The following COL1A2 variants were observed in gnomAD, a reference collection of about 807,000 sequenced individuals.
COL1A2 encodes the protein collagen alpha-2(I) chain.
In COL1A2, 49 loss-of-function variants were observed where a neutral mutation model predicts 174.3. That is an observed-to-expected ratio of 0.28 (90% CI 0.22 to 0.36). The LOEUF (loss-of-function observed/expected upper bound fraction) is 0.36, where lower values mean the gene tolerates loss of function less well. Among genes scored for constraint, COL1A2 ranks in the 10% least tolerant of loss-of-function variants. The probability of loss-of-function intolerance (pLI) is 1.00; values close to 1 mark genes in which losing one functional copy is unlikely to be tolerated. For synonymous variants in COL1A2, 655 were observed against 606.6 expected, an observed-to-expected ratio of 1.08 and a Z score of -1.17; for missense variants, 1,438 against 1,822.7, an observed-to-expected ratio of 0.79 and a Z score of 3.84.
At chr7:94,396,965 C>G (rs1484679091) in intron 1 of COL1A2, among the ~76,000 whole-genome samples, 1 of 152,094 alleles carries the variant, frequency 6.6e-6, no homozygotes, top group Non-Finnish European at 1.5e-5. Context: ...GGACTTATAA[C>G]AATTATGGCA....
At chr7:94,406,361 T>G in intron 12 of COL1A2, 58 bp downstream of exon 12, 1 of 1,506,202 alleles carries the variant, frequency 6.6e-7, no homozygotes, top group Non-Finnish European at 9.2e-7. Flanking sequence ...CCCCATGACC[T>G]CCAAAAAAGT....
Position 94,416,473 on chromosome 7 carries a change from T to A in COL1A2, c.1833T>A (p.Pro611=), listed in dbSNP as rs1476104208. The change falls in exon 31 of 52, where the codon CCT becomes CCA. Residue 611 remains proline (P), a synonymous_variant. Transcript: ENST00000297268. Reference sequence around the variant, plus strand: ...CTGGTCCTATTGGAAGCCGAGGTCCTTCTGGACCCCCAGGGCCTGATGGAA... The same window carrying A: ...CTGGTCCTATTGGAAGCCGAGGTCCATCTGGACCCCCAGGGCCTGATGGAA... ...GPTGPIGSRG[P]SGPPGPDGNK... is the part of the protein sequence containing the mutation. 1 of 1,582,012 alleles carries A rather than the reference T, an allele frequency of 6.3e-7. No homozygotes were observed. Among genetic ancestry groups the A allele is most frequent in the Admixed American group, 1.8e-5 (1 of 55,856 alleles).
rs369695645 is a variant in COL1A2, at chr7:94,400,213, A to G, written c.150A>G (p.Pro50=). ...CATAACAGGGTCCACCAGGCCCCCC[A>G]GGCAGAGATGGTGAAGATGGTCCCA... ...PRGERGPPGP[P]GRDGEDGPTG... Residue 50 remains proline (P), a synonymous_variant, in exon 5 of 52, where the codon CCA becomes CCG. Coordinates refer to ENST00000297268, the MANE Select transcript of COL1A2 (RefSeq NM_000089.4). 1.2e-6 allele frequency: 2 copies of G among 1,612,844 alleles called. No individual in the cohort carries two copies.
At position 94,430,666 on chromosome 7, in the gene COL1A2, A is replaced by G. The variant is rs978280804; in HGVS notation, c.*273A>G. ...AAATGTCAACCTTTGTAAGAAAACC[A>G]AAATAAAAATTGAAAAATAAAAACC... On this transcript the variant is annotated 3_prime_UTR_variant, in exon 52 of 52. Coordinates refer to ENST00000297268, the MANE Select transcript of COL1A2 (RefSeq NM_000089.4). 1 of 402,988 alleles carries G rather than the reference A, an allele frequency of 2.5e-6. No homozygotes were observed. The highest frequency in any genetic ancestry group is 4.2e-5 in the Admixed American group (1 of 23,774). 25.0% of individuals were successfully genotyped at this position (402,988 alleles called of 1,614,324 possible).
In COL1A2 at chr7:94,429,355, G is replaced by T. The variant is rs1214506904; in HGVS notation, c.3879G>T (p.Gln1293His). 20 of 1,613,964 alleles carry T rather than the reference G, an allele frequency of 1.2e-5. No homozygotes were observed. Among genetic ancestry groups the T allele is most frequent in the Non-Finnish European group, 1.7e-5 (20 of 1,179,916 alleles). Residue 1293 changes from glutamine to histidine, a missense_variant, in exon 51 of 52, where the codon CAG becomes CAT. This residue lies in a region of COL1A2 where 290 missense variants were observed against 298.1 expected (regional missense o/e 0.97). Transcript: ENST00000297268. The stretch of plus-strand genomic sequence containing the variant: ...ACCTGAAAAAGGCTGTCATTCTACA[G>T]GGCTCTAATGATGTTGAACTTGTTG... Reference protein sequence around the residue: ...TGNLKKAVILQGSNDVELVAE... With the variant: ...TGNLKKAVILHGSNDVELVAE...
chr7:94,418,548 C>T lies in COL1A2; in HGVS notation c.2021C>T (p.Ala674Val). ...ATTGGTAACCCTGGCAGAGATGGTG[C>T]TCGTGTGAGTAGAATTTTGTTTGTA... ...GEIGNPGRDG[A>V]RGAPGAVGAP... Residue 674 changes from alanine to valine, a missense_variant, in exon 33 of 52, where the codon GCT becomes GTT. Physicochemically the swap from Ala to Val is moderately conservative, Grantham distance 64. Coordinates refer to ENST00000297268, the MANE Select transcript of COL1A2 (RefSeq NM_000089.4). 2 of 1,613,374 alleles carry T rather than the reference C, an allele frequency of 1.2e-6. No individual in the cohort carries two copies. Among genetic ancestry groups the T allele is most frequent in the Middle Eastern group, 1.7e-4 (1 of 6,060 alleles).
rs951510014 is a variant in COL1A2, at chr7:94,425,412, A to G, written c.2781+188A>G. 35 of 802,332 alleles carry G rather than the reference A, an allele frequency of 4.4e-5. 2 individuals carry two copies. The highest frequency in any genetic ancestry group is 3.4e-4 in the South Asian group (21 of 61,474). The allele number at this position is 802,332 out of a possible 1,614,324, so 49.7% of individuals were successfully genotyped here. ...CAAAGAATGGGCTTTTCAATAGCAC[A>G]CTGCAAAACTGGGCCCAAGTATTTA... On this transcript the variant is annotated intron_variant, in intron 42 of 51. Transcript: ENST00000297268.
In COL1A2 at chr7:94,430,589, G is replaced by A. The variant is rs1047785302; in HGVS notation, c.*196G>A. 15 of 592,348 alleles carry A rather than the reference G, an allele frequency of 2.5e-5. No homozygotes were observed. Among genetic ancestry groups the A allele is most frequent in the East Asian group, 8.7e-5 (3 of 34,628 alleles). 36.7% of individuals were successfully genotyped at this position (592,348 alleles called of 1,614,324 possible). On this transcript the variant is annotated 3_prime_UTR_variant, in exon 52 of 52. Transcript: ENST00000297268. Reference sequence around the variant, plus strand: ...TACAGTTTCATTAACTCCTTCCCCCGCTCCCCCAAAAATTTGAATTTTTTT... The same window carrying A: ...TACAGTTTCATTAACTCCTTCCCCCACTCCCCCAAAAATTTGAATTTTTTT...
intron 2 of COL1A2, 61 bp from the exon 3 acceptor site, chr7:94,398,318 AAGC>A (rs1791621939): frequency 1.8e-6 from 1 of 545,280 alleles, no homozygotes; most frequent in African/African-American, 2.0e-5. Context: ...ACCAAAATGG[AAGC>A]TGTTTTTAAA....
rs1791994782 is a variant in COL1A2 at position 94,414,352 on chromosome 7, C to A, written c.1719+77C>A. The A allele has an allele frequency of 2.4e-6, 3 of 1,243,214 alleles. No individual in the cohort carries two copies. In the East Asian group the frequency reaches 7.1e-5, roughly 29 times the overall value. 77.0% of individuals were successfully genotyped at this position (1,243,214 alleles called of 1,614,324 possible). ...CCCTGTTTAATACCCCACTGCTATG[C>A]AATTATAATATGTAAAAGAAAATTT... On this transcript the variant is annotated intron_variant, in intron 29 of 51. Transcript: ENST00000297268.
At chr7:94,411,301 G>A (rs947114777) in intron 23 of COL1A2, 147 bp downstream of exon 23, 4 of 712,564 alleles carry the variant, frequency 5.6e-6, no homozygotes, top group Non-Finnish European at 7.4e-6. Context: ...CTTTATCAAA[G>A]CTCAGTAGAT....
Position 94,418,582 on chromosome 7 carries a change from C to T in COL1A2, c.2025+30C>T, listed in dbSNP as rs200754115. The T allele has an allele frequency of 1.1e-4, 169 of 1,578,828 alleles. No homozygotes were observed. In the South Asian group the frequency reaches 1.6e-3, roughly 15 times the overall value. ...GTAGAATTTTGTTTGTATGTTTCTTCGTACTTGGATTTTTTTTTTATGTTT... is the reference window on the plus strand; with the variant it reads ...GTAGAATTTTGTTTGTATGTTTCTTTGTACTTGGATTTTTTTTTTATGTTT... On this transcript the variant is annotated intron_variant, in intron 33 of 51. Coordinates refer to ENST00000297268, the MANE Select transcript of COL1A2 (RefSeq NM_000089.4).
intron 40 of COL1A2, 135 bp from the exon 41 acceptor site, chr7:94,424,201 A>G (rs1792227334): frequency 1.4e-6 from 1 of 720,390 alleles, no homozygotes; most frequent in African/African-American, 1.8e-5. Flanking sequence ...AAAGATATCC[A>G]AGGATATGTC....
At position 94,395,037 on chromosome 7, in the gene COL1A2, C is replaced by A; in HGVS notation, c.6C>A (p.Leu2=). The A allele has an allele frequency of 6.2e-7, 1 of 1,613,768 alleles. No homozygotes were observed. Among genetic ancestry groups the A allele is most frequent in the South Asian group, 1.1e-5 (1 of 91,050 alleles). M[L]SFVDTRTLLL... ...TGCATGTCTAAGTGCTAGACATGCT[C>A]AGCTTTGTGGATACGCGGACTTTGT... is the stretch of plus-strand genomic sequence containing the variant. Residue 2 remains leucine (L), a synonymous_variant, in exon 1 of 52, where the codon CTC becomes CTA. Coordinates refer to ENST00000297268, the MANE Select transcript of COL1A2 (RefSeq NM_000089.4).
At position 94,421,902 on chromosome 7, in the gene COL1A2, A is replaced by G. The variant is rs770839335; in HGVS notation, c.2353A>G (p.Met785Val). The change falls in exon 39 of 52, where the codon ATG (methionine) becomes GTG (valine). Residue 785 changes from methionine (M) to valine (V), a missense_variant. This residue lies in a region of COL1A2 where 867 missense variants were observed against 1,213.7 expected (regional missense o/e 0.71). Coordinates refer to ENST00000297268, the MANE Select transcript of COL1A2 (RefSeq NM_000089.4). Reference protein sequence around the residue: ...GSRGDGGPPGMTGFPGAAGRT... With the variant: ...GSRGDGGPPGVTGFPGAAGRT... Reference sequence around the variant, plus strand: ...TTCTAATGTGCTTGGCTCTTAGGGTATGACTGGTTTCCCTGGTGCTGCTGG... The same window carrying G: ...TTCTAATGTGCTTGGCTCTTAGGGTGTGACTGGTTTCCCTGGTGCTGCTGG... 6.2e-7 allele frequency: 1 copy of G among 1,614,142 alleles called. No individual in the cohort carries two copies. The highest frequency in any genetic ancestry group is 8.5e-7 in the Non-Finnish European group (1 of 1,179,978).
chr7:94,425,729 GC>G lies in COL1A2; in HGVS notation c.2836-20del, dbSNP rs1294648375. ...AAAATGCAACCCAGATTGATGCTAA[GC>G]TTCATTTTGCCTTTGGTAGGGAGAG... On this transcript the variant is annotated intron_variant, in intron 43 of 51. Coordinates refer to ENST00000297268, the MANE Select transcript of COL1A2 (RefSeq NM_000089.4). 10 of 1,613,992 alleles carry G rather than the reference GC, an allele frequency of 6.2e-6. No individual in the cohort carries two copies. The highest frequency in any genetic ancestry group is 1.7e-5 in the Admixed American group (1 of 60,016).
At chr7:94,410,741 G>A in intron 21 of COL1A2, 148 bp from the exon 22 acceptor site, 1 of 955,700 alleles carries the variant, frequency 1.0e-6, no homozygotes, top group Non-Finnish European at 1.7e-6. Context: ...GCTCATCTAT[G>A]AATTCCTCTA....
At chr7:94,397,792 A>G (rs1459775446) in intron 2 of COL1A2, 34 bp downstream of exon 2, 2 of 1,236,842 alleles carry the variant, frequency 1.6e-6, no homozygotes, top group South Asian at 2.6e-5. Flanking sequence ...TTTTAAAAAT[A>G]CTTTGATTCC....
intron 39 of COL1A2, chr7:94,422,745 T>C (rs1469812031): frequency 1.0e-5 from 6 of 596,968 alleles, no homozygotes; most frequent in Non-Finnish European, 1.8e-5. Context: ...TCTCCTCCAT[T>C]ATTTGGTTGG....
Sources: allele counts gnomAD v4.1 joint callset (sites outside exome capture counted in the v4.1 genomes callset), GRCh38; gene constraint gnomAD v4.1.1; regional missense constraint gnomAD v4.1.1; transcripts MANE v1.5; gene names NCBI Gene and HGNC (gene_info 2026-07-23, HGNC 2026-07-21).